Variants in NUP107 observed in about 807,000 individuals in gnomAD.
NUP107 encodes nuclear pore complex protein Nup107.
In NUP107, 101 loss-of-function variants were observed where a neutral mutation model predicts 141.0. That is an observed-to-expected ratio of 0.72 (90% CI 0.61 to 0.84). NUP107 has a LOEUF of 0.84. NUP107 is among the 40% of genes least tolerant of loss of function. The pLI is 0.00. For missense variants in NUP107, 941 were observed against 1,102.7 expected (o/e 0.85, Z 2.08); for synonymous variants, 319 against 363.9 (o/e 0.88, Z 1.41).
rs773828708 is a variant in NUP107, at chr12:68,733,441, T to C, written c.2102-11T>C. 1.9e-5 allele frequency: 31 copies of C among 1,604,470 alleles called. No individual in the cohort carries two copies. Among genetic ancestry groups the C allele is most frequent in the African/African-American group, 2.7e-5 (2 of 74,440 alleles). On this transcript the variant is annotated splice_polypyrimidine_tract_variant and intron_variant, in intron 23 of 27. Coordinates refer to ENST00000229179, the MANE Select transcript of NUP107 (RefSeq NM_020401.4). ...CCGTAGGCATTCAAAATTGTGTATCTTTTTTCACAGCATCAAAAAAGCACG... is the reference window on the plus strand; with the variant it reads ...CCGTAGGCATTCAAAATTGTGTATCCTTTTTCACAGCATCAAAAAAGCACG...
intron 20 of NUP107, among the ~76,000 whole-genome samples, chr12:68,727,879 A>G (rs1877630702): frequency 6.6e-6 from 1 of 152,182 alleles, no homozygotes; most frequent in Non-Finnish European, 1.5e-5. Context: ...TTGAGTTGAA[A>G]AAAATTTATG....
chr12:68,719,046 G>A (rs561636552), intron 12 of NUP107, among the ~76,000 whole-genome samples: 21 of 152,200 alleles, frequency 1.4e-4, no homozygotes, highest in East Asian at 5.8e-4. Flanking sequence ...CTGCCACTGC[G>A]CCTGGCTAGT....
intron 6 of NUP107, among the ~76,000 whole-genome samples, chr12:68,700,439 A>G (rs957158546): frequency 5.3e-5 from 8 of 152,164 alleles, no homozygotes; most frequent in Non-Finnish European, 7.3e-5. Flanking sequence ...CTCTGGGTAG[A>G]TATACAGGGA....
Position 68,687,221 on chromosome 12 carries a change from C to T in NUP107, c.8+148C>T, listed in dbSNP as rs73136375. The T allele has an allele frequency of 5.1e-3, 5,991 of 1,185,102 alleles. 23 individuals carry two copies. Among genetic ancestry groups the T allele is most frequent in the Non-Finnish European group, 6.8e-3 (5,687 of 830,632 alleles). The allele number at this position is 1,185,102 out of a possible 1,614,324, so 73.4% of individuals were successfully genotyped here. ...TCCTTCCCCATGCCGGGAAATTTGG[C>T]CACAAATGGGGAAAAAGCCGCTTGG... On this transcript the variant is annotated intron_variant, in intron 1 of 27. Coordinates refer to ENST00000229179, the MANE Select transcript of NUP107 (RefSeq NM_020401.4).
intron 26 of NUP107, among the ~76,000 whole-genome samples, chr12:68,739,519 T>C (rs1878229392): frequency 6.6e-6 from 1 of 152,168 alleles, no homozygotes; most frequent in Non-Finnish European, 1.5e-5. Context: ...CAACACATAT[T>C]AGGTAATGAG....
intron 5 of NUP107, among the ~76,000 whole-genome samples, chr12:68,693,480 C>T (rs911399647): frequency 2.6e-5 from 4 of 152,136 alleles, no homozygotes; most frequent in Non-Finnish European, 5.9e-5. Flanking sequence ...TCTCAAAGTG[C>T]TGGGATTATA....
chr12:68,741,570 A>C (rs1017973765), intron 26 of NUP107, among the ~76,000 whole-genome samples: 1 of 152,172 alleles, frequency 6.6e-6, no homozygotes, highest in Non-Finnish European at 1.5e-5. Context: ...TTCAGTTTCC[A>C]ACTCATTCTT....
In NUP107 at chr12:68,700,758, A is replaced by C; in HGVS notation, c.585A>C (p.Ala195=). The part of the protein sequence containing the change: ...VNILSKIVSR[A]TPGLQKFSKT... ...TACTGAGTAAAATAGTGAGTCGAGC[A>C]ACACCTGGACTTCAAAAATTTTCAA... is the stretch of plus-strand genomic sequence containing the variant. The change falls in exon 7 of 28, where the codon GCA becomes GCC. Residue 195 remains alanine, a synonymous_variant. Transcript: ENST00000229179. 1 of 1,611,162 alleles carries C rather than the reference A, an allele frequency of 6.2e-7. No individual in the cohort carries two copies. The highest frequency in any genetic ancestry group is 8.5e-7 in the Non-Finnish European group (1 of 1,179,250).
intron 20 of NUP107, 70 bp downstream of exon 20, chr12:68,727,459 T>C: frequency 1.2e-6 from 1 of 836,530 alleles, no homozygotes; most frequent in Non-Finnish European, 1.9e-6. Flanking sequence ...AGAATGATGC[T>C]ATTTTAATTC....
At chr12:68,707,015 A>G (rs560807646) in intron 8 of NUP107, 1 of 613,214 alleles carries the variant, frequency 1.6e-6, no homozygotes, top group East Asian at 2.7e-5. Context: ...GATTGTGAAG[A>G]TCGAGACCCA....
At position 68,732,644 on chromosome 12, in the gene NUP107, G is replaced by A. The variant is rs779844194; in HGVS notation, c.2006G>A (p.Arg669His). ...TTCCCCTTTAATAAATAGGAGGATC[G>A]TTTAAAAATTGATGTAATTGACTGG... The part of the protein sequence containing the change: ...ALDTGTTEED[R>H]LKIDVIDWLV... Residue 669 changes from arginine (R) to histidine (H), a missense_variant, in exon 23 of 28, where the codon CGT becomes CAT. Physicochemically the swap from Arg to His is conservative, Grantham distance 29. Coordinates refer to ENST00000229179, the MANE Select transcript of NUP107 (RefSeq NM_020401.4). The A allele has an allele frequency of 4.4e-6, 7 of 1,583,032 alleles. No individual in the cohort carries two copies. The highest frequency in any genetic ancestry group is 1.2e-5 in the South Asian group (1 of 86,784).
chr12:68,687,653 G>T, intron 1 of NUP107: 1 of 985,562 alleles, frequency 1.0e-6, no homozygotes, highest in Non-Finnish European at 1.2e-6. Context: ...ACCCCTCAAA[G>T]AAGGTAACTT....
chr12:68,731,809 T>C, intron 22 of NUP107, 90 bp downstream of exon 22: 2 of 712,160 alleles, frequency 2.8e-6, no homozygotes, highest in East Asian at 6.2e-5. Flanking sequence ...GTAAAAGAAG[T>C]TCTATTAGGT....
At position 68,742,554 on chromosome 12, in the gene NUP107, T is replaced by G; in HGVS notation, c.*92T>G. 1.6e-6 allele frequency: 1 copy of G among 623,532 alleles called. No individual in the cohort carries two copies. Among genetic ancestry groups the G allele is most frequent in the Admixed American group, 3.3e-5 (1 of 30,310 alleles). The allele number at this position is 623,532 out of a possible 1,614,324, so 38.6% of individuals were successfully genotyped here. A position where few individuals can be genotyped will look rare whatever the true frequency, so the allele number is the denominator to read the frequency against. On this transcript the variant is annotated 3_prime_UTR_variant, in exon 28 of 28. Transcript: ENST00000229179. Reference sequence around the variant, plus strand: ...AGTAATTTTTTCTTTTGCATTACCATGTAAAATTTAGACATTTGAATTTTG... The same window carrying G: ...AGTAATTTTTTCTTTTGCATTACCAGGTAAAATTTAGACATTTGAATTTTG...
At position 68,725,711 on chromosome 12, in the gene NUP107, A is replaced by G. The variant is rs371552486; in HGVS notation, c.1507-16A>G. ...CTGCTAGAAGATTTATGGAAAATTA[A>G]AAACTTTTTTTTCAGAGAGTTCTGG... On this transcript the variant is annotated splice_polypyrimidine_tract_variant and intron_variant, in intron 17 of 27. Transcript: ENST00000229179. 9 of 1,361,492 alleles carry G rather than the reference A, an allele frequency of 6.6e-6. No individual in the cohort carries two copies. In the African/African-American group the frequency reaches 1.3e-4, roughly 20 times the overall value. The allele number at this position is 1,361,492 out of a possible 1,614,324, so 84.3% of individuals were successfully genotyped here.
chr12:68,742,312 A>G (rs2136057044), intron 27 of NUP107, 43 bp from the exon 28 acceptor site: 1 of 1,254,118 alleles, frequency 8.0e-7, no homozygotes, highest in African/African-American at 1.5e-5. Flanking sequence ...ATACTTGTCT[A>G]CTTGTCTTTG....
rs1878498685 is a variant in NUP107 at position 68,745,651 on chromosome 12, A to G, written c.*3189A>G. The stretch of plus-strand genomic sequence containing the variant: ...ACAGTAGCACTCGTTTACATTGTCA[A>G]GGGGACATCTTTAGAGAACACATTT... On this transcript the variant is annotated 3_prime_UTR_variant, in exon 28 of 28. Coordinates refer to ENST00000229179, the MANE Select transcript of NUP107 (RefSeq NM_020401.4). 1 of 152,212 alleles carries G rather than the reference A, an allele frequency of 6.6e-6. No individual in the cohort carries two copies. The highest frequency in any genetic ancestry group is 1.5e-5 in the Non-Finnish European group (1 of 68,036). 9.4% of individuals were successfully genotyped at this position (152,212 alleles called of 1,614,324 possible). A position where few individuals can be genotyped will look rare whatever the true frequency, so the allele number is the denominator to read the frequency against.
At chr12:68,732,260 G>C (rs539998590) in intron 22 of NUP107, among the ~76,000 whole-genome samples, 2 of 152,012 alleles carry the variant, frequency 1.3e-5, no homozygotes, top group African/African-American at 4.8e-5. Flanking sequence ...TCAGTCTCCC[G>C]AGTAGCTGGG....
chr12:68,721,307 A>C, intron 15 of NUP107, 130 bp downstream of exon 15: 1 of 538,462 alleles, frequency 1.9e-6, no homozygotes, highest in Non-Finnish European at 3.2e-6. Context: ...AAGTGTAGCA[A>C]TGATAGAGAT....
Sources: gnomAD v4.1 joint callset for allele counts (sites outside exome capture counted in the v4.1 genomes callset) on GRCh38, gnomAD v4.1.1 for gene constraint, MANE v1.5 for transcripts, NCBI Gene and HGNC (gene_info 2026-07-23, HGNC 2026-07-21) for gene names.